The following PELI2 variants were observed in gnomAD, a reference collection of about 807,000 sequenced individuals.
PELI2 encodes the protein pellino E3 ubiquitin protein ligase family member 2.
Under a neutral mutation model 42.3 loss-of-function variants are expected in PELI2, and 23 were observed. The observed-to-expected ratio is 0.54, with a 90% CI of 0.39 to 0.77. PELI2 has a LOEUF of 0.77. Ranked by LOEUF, PELI2 falls within the 30% of genes least tolerant of loss-of-function variation. The pLI is 0.00. For missense variants in PELI2, 463 were observed against 553.2 expected (o/e 0.84, Z 1.64); for synonymous variants, 245 against 212.2 (o/e 1.15, Z -1.34).
intron 2 of PELI2, among the ~76,000 whole-genome samples, chr14:56,208,667 C>G (rs1886604063): frequency 2.0e-5 from 3 of 152,076 alleles, no homozygotes; most frequent in Non-Finnish European, 4.4e-5. Flanking sequence ...AAATCTCCAC[C>G]CTTGAGTACT....
intron 1 of PELI2, among the ~76,000 whole-genome samples, chr14:56,120,246 T>G (rs1361763469): frequency 3.3e-5 from 5 of 152,174 alleles, no homozygotes; most frequent in Admixed American, 6.5e-5. Flanking sequence ...CCTAATCTTG[T>G]GGAGTTTGGT....
chr14:56,262,530 T>A (rs961080709), intron 2 of PELI2, among the ~76,000 whole-genome samples: 4 of 152,206 alleles, frequency 2.6e-5, no homozygotes, highest in African/African-American at 9.6e-5. Context: ...GAAATGTAAA[T>A]TTTAATTTTA....
intron 2 of PELI2, among the ~76,000 whole-genome samples, chr14:56,224,415 A>C (rs7161103): frequency 0.22 from 33,524 of 152,182 alleles, 7,633 homozygotes; most frequent in African/African-American, 0.58. Context: ...CTCACTTGGA[A>C]AGTCCATTGT....
At chr14:56,224,498 A>G (rs1445399110) in intron 2 of PELI2, among the ~76,000 whole-genome samples, 3 of 152,190 alleles carry the variant, frequency 2.0e-5, no homozygotes, top group Non-Finnish European at 4.4e-5. Flanking sequence ...AAATTGTTGC[A>G]CTTGAGAAAA....
At chr14:56,250,901 G>A (rs77802841) in intron 2 of PELI2, among the ~76,000 whole-genome samples, 38 of 152,334 alleles carry the variant, frequency 2.5e-4, no homozygotes, top group African/African-American at 9.1e-4. Flanking sequence ...AGTACTGTCA[G>A]GAGAAACCAG....
chr14:56,259,102 T>C (rs1888625999), intron 2 of PELI2, among the ~76,000 whole-genome samples: 1 of 152,102 alleles, frequency 6.6e-6, no homozygotes, highest in African/African-American at 2.4e-5. Context: ...AAAGGGAGAC[T>C]ATCACCCTAG....
chr14:56,212,490 A>T (rs1438928087), intron 2 of PELI2, among the ~76,000 whole-genome samples: 1 of 152,248 alleles, frequency 6.6e-6, no homozygotes, highest in Admixed American at 6.5e-5. Context: ...GGGAGAGAGG[A>T]TCTGTGCCTG....
intron 1 of PELI2, among the ~76,000 whole-genome samples, chr14:56,134,434 A>G (rs1162919716): frequency 1.3e-5 from 2 of 152,172 alleles, no homozygotes; most frequent in Admixed American, 1.3e-4. Flanking sequence ...CCTGATAGTT[A>G]TCCATCTGGC....
intron 2 of PELI2, among the ~76,000 whole-genome samples, chr14:56,252,713 T>A (rs897544991): frequency 7.9e-5 from 12 of 152,088 alleles, no homozygotes; most frequent in African/African-American, 2.7e-4. Context: ...AGGCAGTAAT[T>A]AATATCCTAC....
intron 2 of PELI2, 109 bp from the exon 3 acceptor site, chr14:56,279,567 C>T: frequency 1.8e-6 from 1 of 550,540 alleles, no homozygotes; most frequent in Non-Finnish European, 3.2e-6. Flanking sequence ...GTGGAAAATG[C>T]TGGCTTGTGC....
intron 2 of PELI2, among the ~76,000 whole-genome samples, chr14:56,217,379 C>G (rs192760231): frequency 8.1e-4 from 124 of 152,352 alleles, no homozygotes; most frequent in Middle Eastern, 3.4e-3. Context: ...TAGTGTCTAA[C>G]CCACCATCAT....
intron 2 of PELI2, among the ~76,000 whole-genome samples, chr14:56,202,087 T>A (rs1886350881): frequency 6.6e-6 from 1 of 152,224 alleles, no homozygotes; most frequent in Admixed American, 6.5e-5. Flanking sequence ...TGCTAAGTGA[T>A]GTTGGTCAGG....
intron 2 of PELI2, among the ~76,000 whole-genome samples, chr14:56,184,686 TA>T (rs1397194373): frequency 6.6e-6 from 1 of 152,102 alleles, no homozygotes; most frequent in Admixed American, 6.5e-5. Flanking sequence ...AAATAGAATT[TA>T]ACTAATATTA....
In PELI2 at chr14:56,288,536, T is replaced by C. The variant is rs912742269; in HGVS notation, c.409T>C (p.Ser137Pro). Reference protein sequence around the residue: ...DEAQITQSTISRFACRIVCDR... With the variant: ...DEAQITQSTIPRFACRIVCDR... ...AGCCCAGATCACACAGAGCACCATA[T>C]CCAGGTTCGCCTGCAGGATCGTGTG... The change falls in exon 4 of 6, where the codon TCC (serine) becomes CCC (proline). Residue 137 changes from serine to proline, a missense_variant. Transcript: ENST00000267460. The surrounding 1 kb of genome is among the most constrained non-coding windows in gnomAD (Gnocchi z 4.6). 1.9e-6 allele frequency: 3 copies of C among 1,614,082 alleles called. No homozygotes were observed. The highest frequency in any genetic ancestry group is 2.5e-6 in the Non-Finnish European group (3 of 1,179,986).
intron 2 of PELI2, among the ~76,000 whole-genome samples, chr14:56,249,672 A>G (rs1888277485): frequency 6.6e-6 from 1 of 152,212 alleles, no homozygotes; most frequent in Admixed American, 6.5e-5. Flanking sequence ...ATATGGGAAT[A>G]CACACAAGGA....
chr14:56,243,087 T>C (rs192187588), intron 2 of PELI2, among the ~76,000 whole-genome samples: 209 of 152,336 alleles, frequency 1.4e-3, no homozygotes, highest in African/African-American at 4.9e-3. Context: ...TTCCAGATAT[T>C]TGCGAGTTTT....
intron 5 of PELI2, among the ~76,000 whole-genome samples, chr14:56,296,229 C>G (rs540249569): frequency 1.3e-5 from 2 of 152,258 alleles, no homozygotes; most frequent in African/African-American, 4.8e-5. Context: ...ACTGGATGGA[C>G]TGGTAGGACA....
intron 5 of PELI2, among the ~76,000 whole-genome samples, chr14:56,291,032 C>T (rs1304031138): frequency 6.6e-6 from 1 of 152,132 alleles, no homozygotes; most frequent in Non-Finnish European, 1.5e-5. Context: ...ACCACTTATC[C>T]CCATGCCCTA....
At chr14:56,255,417 A>G (rs1888492817) in intron 2 of PELI2, among the ~76,000 whole-genome samples, 1 of 152,100 alleles carries the variant, frequency 6.6e-6, no homozygotes, top group Non-Finnish European at 1.5e-5. Flanking sequence ...ATTCTCACTC[A>G]TAAGTGGGAG....
Sources: gnomAD v4.1 joint callset for allele counts (sites outside exome capture counted in the v4.1 genomes callset) on GRCh38, gnomAD v4.1.1 for gene constraint, Gnocchi (gnomAD v3.1) non-coding constraint, MANE v1.5 for transcripts, NCBI Gene and HGNC (gene_info 2026-07-23, HGNC 2026-07-21) for gene names.